Variants in CNTNAP4 observed in about 807,000 individuals in gnomAD.
The protein encoded by CNTNAP4 is contactin associated protein family member 4, also known as contactin-associated protein-like 4.
Under a neutral mutation model 148.4 loss-of-function variants are expected in CNTNAP4, and 98 were observed. The ratio of observed to expected loss-of-function variants is 0.66; its 90% CI spans 0.56 to 0.78. The LOEUF (loss-of-function observed/expected upper bound fraction) is 0.78, where lower values mean the gene tolerates loss of function less well. Among genes scored for constraint, CNTNAP4 ranks in the 30% least tolerant of loss-of-function variants. CNTNAP4 has a pLI of 0.00. For synonymous variants in CNTNAP4, 730 were observed against 565.1 expected, an observed-to-expected ratio of 1.29 and a Z score of -4.14; for missense variants, 1,935 against 1,565.6, an observed-to-expected ratio of 1.24 and a Z score of -3.98.
intron 15 of CNTNAP4, among the ~76,000 whole-genome samples, chr16:76,499,563 A>G (rs13330535): frequency 1.3e-5 from 2 of 151,216 alleles, no homozygotes; most frequent in African/African-American, 4.9e-5. Flanking sequence ...TTATTTATTT[A>G]TTTATTTTAG....
intron 1 of CNTNAP4, among the ~76,000 whole-genome samples, chr16:76,310,958 A>C (rs968934277): frequency 2.6e-5 from 4 of 152,082 alleles, no homozygotes; most frequent in African/African-American, 7.2e-5. Context: ...TTCCTAATTT[A>C]ATTATTTAAT....
intron 20 of CNTNAP4, among the ~76,000 whole-genome samples, 176 bp from the exon 21 acceptor site, chr16:76,540,527 C>T (rs2084404168): frequency 6.6e-6 from 1 of 151,518 alleles, no homozygotes; most frequent in South Asian, 2.1e-4. Flanking sequence ...TATATAATAA[C>T]ACTTAGAAAA....
intron 3 of CNTNAP4, among the ~76,000 whole-genome samples, chr16:76,426,378 G>C (rs2079403806): frequency 6.6e-6 from 1 of 152,138 alleles, no homozygotes; most frequent in African/African-American, 2.4e-5. Context: ...CCCAGTCATA[G>C]GCAAGGGACT....
intron 1 of CNTNAP4, among the ~76,000 whole-genome samples, chr16:76,293,227 C>T (rs759078558): frequency 2.0e-5 from 3 of 151,906 alleles, no homozygotes; most frequent in South Asian, 2.1e-4. Flanking sequence ...CGGGTTCGAG[C>T]GATTCTCCTG....
At chr16:76,327,287 C>A (rs1034628788) in intron 2 of CNTNAP4, among the ~76,000 whole-genome samples, 2 of 152,160 alleles carry the variant, frequency 1.3e-5, no homozygotes, top group African/African-American at 4.8e-5. Flanking sequence ...CTCCCACTTA[C>A]AAGATAACAT....
At chr16:76,310,733 C>T (rs1961008298) in intron 1 of CNTNAP4, among the ~76,000 whole-genome samples, 1 of 151,960 alleles carries the variant, frequency 6.6e-6, no homozygotes, top group South Asian at 2.1e-4. Context: ...GCATGTCTTC[C>T]AAATAACTGA....
In CNTNAP4 at chr16:76,544,210, CT is replaced by C. The variant is rs200437303; in HGVS notation, c.3442+3432del. Among the ~76,000 whole-genome samples, 629 of 142,518 alleles carry C rather than the reference CT, an allele frequency of 4.4e-3. 2 individuals carry two copies. The highest frequency in any genetic ancestry group is 0.01 in the African/African-American group (402 of 39,144). The allele number at this position is 142,518 out of a possible 152,430, so 93.5% of individuals were successfully genotyped here. On this transcript the variant is annotated intron_variant, in intron 21 of 23. Transcript: ENST00000611870. ...TAAGGGAGTAGCATATAAACATTGC[CT>C]TTTTTTTTTTTGGAGTTGTAATTTG... is the stretch of plus-strand genomic sequence containing the variant.
chr16:76,387,841 A>C (rs950080455), intron 3 of CNTNAP4, among the ~76,000 whole-genome samples: 1 of 152,216 alleles, frequency 6.6e-6, no homozygotes, highest in Admixed American at 6.5e-5. Context: ...GGCTGTGCTC[A>C]ATAAATGTAA....
chr16:76,351,579 T>C (rs2011774840), intron 2 of CNTNAP4, among the ~76,000 whole-genome samples: 1 of 152,238 alleles, frequency 6.6e-6, no homozygotes, highest in Admixed American at 6.5e-5. Context: ...CTTATCTGGC[T>C]GAAATTACTT....
At chr16:76,467,607 T>G in intron 10 of CNTNAP4, 84 bp downstream of exon 10, 1 of 1,123,974 alleles carries the variant, frequency 8.9e-7, no homozygotes, top group South Asian at 1.7e-5. Context: ...ACAATTATTC[T>G]TTCCTCTTCC....
intron 11 of CNTNAP4, among the ~76,000 whole-genome samples, chr16:76,476,301 T>G (rs1191711354): frequency 6.6e-6 from 1 of 152,240 alleles, no homozygotes; most frequent in African/African-American, 2.4e-5. Flanking sequence ...AACGTGAATT[T>G]TGTTATCTTG....
At chr16:76,360,815 ATTT>A (rs397745852) in intron 3 of CNTNAP4, among the ~76,000 whole-genome samples, 2 of 122,296 alleles carry the variant, frequency 1.6e-5, no homozygotes, top group Non-Finnish European at 1.7e-5. Flanking sequence ...ACATGGCTGC[ATTT>A]TTTTTTTTTT....
At chr16:76,494,202 C>G (rs1385854130) in intron 13 of CNTNAP4, among the ~76,000 whole-genome samples, 1 of 151,846 alleles carries the variant, frequency 6.6e-6, no homozygotes, top group Non-Finnish European at 1.5e-5. Flanking sequence ...AGTCTTAACT[C>G]TGAGAAGGAG....
In CNTNAP4 at chr16:76,515,924, T is replaced by C. The variant is rs997875997; in HGVS notation, c.2366-5216T>C. Among the ~76,000 whole-genome samples the C allele has an allele frequency of 2.0e-4, 30 of 151,818 alleles. 1 individual carries two copies. Among genetic ancestry groups the C allele is most frequent in the Admixed American group, 1.9e-3 (29 of 15,264 alleles). On this transcript the variant is annotated intron_variant, in intron 15 of 23. Coordinates refer to ENST00000611870, the MANE Select transcript of CNTNAP4 (RefSeq NM_033401.5). ...CTAGAAAACCGTTTAGTAGTTTCTT[T>C]TTGTTAATTTTCTATTTTACTTTAA...
chr16:76,371,202 A>G (rs1002778296), intron 3 of CNTNAP4, among the ~76,000 whole-genome samples: 4 of 152,232 alleles, frequency 2.6e-5, no homozygotes, highest in East Asian at 1.9e-4. Context: ...TCAAACATCA[A>G]ACATCTTACA....
At chr16:76,558,265 A>G (rs779319297) in intron 23 of CNTNAP4, 11 of 435,328 alleles carry the variant, frequency 2.5e-5, no homozygotes, top group Admixed American at 4.1e-5. Context: ...ATATGCATTC[A>G]TAATAAATGT....
At chr16:76,350,286 A>G (rs972098965) in intron 2 of CNTNAP4, among the ~76,000 whole-genome samples, 4 of 152,186 alleles carry the variant, frequency 2.6e-5, no homozygotes, top group African/African-American at 9.7e-5. Flanking sequence ...TCTCACCTGC[A>G]CTAAAGTATT....
intron 13 of CNTNAP4, among the ~76,000 whole-genome samples, chr16:76,491,606 T>A (rs2082224383): frequency 6.6e-6 from 1 of 151,874 alleles, no homozygotes; most frequent in Non-Finnish European, 1.5e-5. Context: ...CATCTTAGAA[T>A]AAAAAAACAG....
chr16:76,515,357 T>G (rs113334444), intron 15 of CNTNAP4, among the ~76,000 whole-genome samples: 100 of 152,202 alleles, frequency 6.6e-4, no homozygotes, highest in African/African-American at 2.4e-3. Context: ...AGGAGATCAT[T>G]AAGGTAAATG....
Sources: allele counts gnomAD v4.1 joint callset (sites outside exome capture counted in the v4.1 genomes callset), GRCh38; gene constraint gnomAD v4.1.1; transcripts MANE v1.5; gene names NCBI Gene and HGNC (gene_info 2026-07-23, HGNC 2026-07-21).